Variants in RAB27B observed in about 807,000 individuals in gnomAD.
RAB27B encodes the protein RAB27B, member RAS oncogene family.
Under a neutral mutation model 24.6 loss-of-function variants are expected in RAB27B, and 15 were observed. The ratio of observed to expected loss-of-function variants is 0.61; its 90% confidence interval spans 0.41 to 0.94. RAB27B has a LOEUF of 0.94. Ranked by LOEUF, RAB27B falls within the 40% of genes least tolerant of loss-of-function variation. The probability of loss-of-function intolerance (pLI) is 0.00; values close to 1 mark genes in which losing one functional copy is unlikely to be tolerated. For synonymous variants in RAB27B, 105 were observed against 92.5 expected, an observed-to-expected ratio of 1.14 and a Z score of -0.78; for missense variants, 261 against 266.8, an observed-to-expected ratio of 0.98 and a Z score of 0.15.
intron 1 of RAB27B, among the ~76,000 whole-genome samples, chr18:54,861,341 T>C (rs1257171726): frequency 6.6e-6 from 1 of 152,224 alleles, no homozygotes; most frequent in Non-Finnish European, 1.5e-5. Flanking sequence ...GAAACTTCAA[T>C]TTGCATATAT....
chr18:54,718,343 C>A (rs951840601), intron 2 of RAB27B, among the ~76,000 whole-genome samples: 18 of 152,012 alleles, frequency 1.2e-4, no homozygotes, highest in African/African-American at 4.1e-4. Flanking sequence ...CCTCTTCCAG[C>A]CTGTGGGTTT....
chr18:54,867,442 C>CTTTTCTTTTTTTTTTTTTTTTTTTTT (rs1555666326), intron 1 of RAB27B, among the ~76,000 whole-genome samples: 7 of 98,754 alleles, frequency 7.1e-5, no homozygotes, highest in Non-Finnish European at 1.0e-4. Flanking sequence ...CTTTTCTTTT[C>CTTTTCTTTTTTTTTTTTTTTTTTTTT]TTTTTTTTTT....
At chr18:54,744,475 G>A (rs1463424569) in intron 2 of RAB27B, among the ~76,000 whole-genome samples, 2 of 152,122 alleles carry the variant, frequency 1.3e-5, no homozygotes, top group Non-Finnish European at 2.9e-5. Context: ...TCAGGCCCAA[G>A]GCTATCTGAG....
intron 1 of RAB27B, among the ~76,000 whole-genome samples, chr18:54,866,446 C>A (rs1472693224): frequency 6.6e-6 from 1 of 152,230 alleles, no homozygotes; most frequent in Non-Finnish European, 1.5e-5. Flanking sequence ...CAGGCATGTG[C>A]CACCACACCC....
intron 1 of RAB27B, among the ~76,000 whole-genome samples, chr18:54,844,761 TG>T (rs1555662586): frequency 6.6e-6 from 1 of 152,184 alleles, no homozygotes; most frequent in Non-Finnish European, 1.5e-5. Context: ...GAATCTACTA[TG>T]TTGCAGCATC....
At chr18:54,765,417 C>T (rs1207700876) in intron 2 of RAB27B, among the ~76,000 whole-genome samples, 1 of 152,168 alleles carries the variant, frequency 6.6e-6, no homozygotes, top group African/African-American at 2.4e-5. Flanking sequence ...AGATATTGTT[C>T]GTGCTGTTCC....
intron 2 of RAB27B, among the ~76,000 whole-genome samples, chr18:54,724,334 A>G (rs1909460972): frequency 6.6e-6 from 1 of 151,576 alleles, no homozygotes; most frequent in African/African-American, 2.4e-5. Flanking sequence ...CTACTAGAAA[A>G]GTTAATGTTA....
intron 2 of RAB27B, among the ~76,000 whole-genome samples, chr18:54,720,981 A>G (rs1196471730): frequency 6.6e-6 from 1 of 152,152 alleles, no homozygotes; most frequent in Non-Finnish European, 1.5e-5. Flanking sequence ...GTGATGTGTC[A>G]TCTCCACATC....
intron 2 of RAB27B, among the ~76,000 whole-genome samples, chr18:54,811,196 G>A (rs1909954270): frequency 6.6e-6 from 1 of 152,136 alleles, no homozygotes; most frequent in South Asian, 2.1e-4. Context: ...CATAGAGACT[G>A]TGAACTCAAT....
chr18:54,879,314 T>A lies in RAB27B; in HGVS notation c.154-55T>A, dbSNP rs376276867. The A allele has an allele frequency of 6.6e-4, 897 of 1,359,956 alleles. 7 individuals are homozygous for A. The South Asian group carries it at 7.4e-3, about 11-fold the overall frequency. The allele number at this position is 1,359,956 out of a possible 1,614,324, so 84.2% of individuals were successfully genotyped here. ...AACATGCTGAGTGAACCCAAAGAAT[T>A]TGAGTGCTGACAAAATCCAAAGCAA... On this transcript the variant is annotated intron_variant, in intron 2 of 5. Coordinates refer to ENST00000262094, the MANE Select transcript of RAB27B (RefSeq NM_004163.4).
intron 2 of RAB27B, among the ~76,000 whole-genome samples, chr18:54,735,866 G>A (rs1198247274): frequency 1.3e-5 from 2 of 152,082 alleles, no homozygotes; most frequent in African/African-American, 4.8e-5. Context: ...AGTAAAATTA[G>A]GTAGTAAATG....
chr18:54,816,476 A>T (rs960640885), intron 2 of RAB27B, among the ~76,000 whole-genome samples: 3 of 152,270 alleles, frequency 2.0e-5, no homozygotes, highest in African/African-American at 7.2e-5. Flanking sequence ...CTATATGTTT[A>T]AATATTTTTC....
At chr18:54,782,959 C>CTT (rs576296088) in intron 2 of RAB27B, among the ~76,000 whole-genome samples, 9,516 of 146,680 alleles carry the variant, frequency 0.065, 403 homozygotes, top group African/African-American at 0.1. Flanking sequence ...CTCATAATAA[C>CTT]TTTTTTTTTT....
At position 54,884,521 on chromosome 18, in the gene RAB27B, T is replaced by C. The variant is rs1216677792; in HGVS notation, c.343+85T>C. Reference sequence around the variant, plus strand: ...GTTGGTCTTGCAAGATGAAACCAGATTGGGTACCACAGATTAACTTTCAAA... The same window carrying C: ...GTTGGTCTTGCAAGATGAAACCAGACTGGGTACCACAGATTAACTTTCAAA... On this transcript the variant is annotated intron_variant, in intron 4 of 5. Transcript: ENST00000262094. 6 of 845,622 alleles carry C rather than the reference T, an allele frequency of 7.1e-6. No individual in the cohort carries two copies. The East Asian group carries it at 7.4e-5, about 10-fold the overall frequency. The allele number at this position is 845,622 out of a possible 1,614,324, so 52.4% of individuals were successfully genotyped here.
chr18:54,871,334 G>A (rs1361290141), intron 1 of RAB27B, among the ~76,000 whole-genome samples: 1 of 152,158 alleles, frequency 6.6e-6, no homozygotes, highest in East Asian at 1.9e-4. Flanking sequence ...GTGGTTACGG[G>A]AACGAATATT....
intron 2 of RAB27B, among the ~76,000 whole-genome samples, chr18:54,763,756 C>G (rs1401757781): frequency 6.6e-6 from 1 of 152,138 alleles, no homozygotes. Context: ...ACTTGTTTCT[C>G]CTCCCCTGGG....
In RAB27B at chr18:54,757,905, C is replaced by T. The variant is rs186022244; in HGVS notation, c.-20+39764C>T. ...AATTACAAATTCTTTTAAAAATTGACAAATACAAAAAAATCACAAAATCTA... is the reference window on the plus strand; with the variant it reads ...AATTACAAATTCTTTTAAAAATTGATAAATACAAAAAAATCACAAAATCTA... On this transcript the variant is annotated intron_variant, in intron 2 of 4. Transcript: ENST00000586570. Among the ~76,000 whole-genome samples, 252 of 151,846 alleles carry T rather than the reference C, an allele frequency of 1.7e-3. 1 individual carries two copies. Among genetic ancestry groups the T allele is most frequent in the Admixed American group, 2.8e-3 (43 of 15,240 alleles).
intron 4 of RAB27B, among the ~76,000 whole-genome samples, chr18:54,885,524 T>G (rs775275069): frequency 3.9e-5 from 6 of 152,166 alleles, no homozygotes; most frequent in Non-Finnish European, 7.4e-5. Context: ...CTTTTTTCTC[T>G]TCTCTCATTT....
chr18:54,888,566 C>A (rs1199137029), intron 5 of RAB27B, among the ~76,000 whole-genome samples: 1 of 151,720 alleles, frequency 6.6e-6, no homozygotes, highest in Admixed American at 6.6e-5. Context: ...TAATCCCTGA[C>A]AAGGGTATGA....
Sources: gnomAD v4.1 joint callset for allele counts (sites outside exome capture counted in the v4.1 genomes callset) on GRCh38, gnomAD v4.1.1 for gene constraint, MANE v1.5 for transcripts, NCBI Gene and HGNC (gene_info 2026-07-23, HGNC 2026-07-21) for gene names.